The following PHACTR1 variants were observed in gnomAD, a reference collection of about 807,000 sequenced individuals.
The protein encoded by PHACTR1 is RPEL repeat containing 1.
A neutral mutation model predicts 69.2 loss-of-function variants in PHACTR1; 16 were observed. The observed-to-expected ratio is 0.23, with a 90% CI of 0.16 to 0.35. The LOEUF is 0.35. PHACTR1 is among the 10% of genes least tolerant of loss of function. The pLI is 1.00. For missense variants in PHACTR1, 510 were observed against 734.7 expected, an observed-to-expected ratio of 0.69 and a Z score of 3.54; for synonymous variants, 312 against 284.5, an observed-to-expected ratio of 1.10 and a Z score of -0.97.
intron 4 of PHACTR1, among the ~76,000 whole-genome samples, chr6:12,922,421 AG>A (rs755195808): frequency 7.2e-5 from 11 of 152,178 alleles, no homozygotes; most frequent in Non-Finnish European, 1.6e-4. Context: ...GCTGGAGCCC[AG>A]GGAAAGTAAA....
intron 4 of PHACTR1, chr6:12,958,018 A>G (rs1792119076): frequency 1.0e-6 from 1 of 985,408 alleles, no homozygotes; most frequent in Non-Finnish European, 1.2e-6. Context: ...GGGAGCAAAG[A>G]GCTTTGGGCA....
At chr6:13,106,425 CATT>C (rs1393985222) in intron 5 of PHACTR1, among the ~76,000 whole-genome samples, 1 of 152,160 alleles carries the variant, frequency 6.6e-6, no homozygotes, top group Non-Finnish European at 1.5e-5. Context: ...AGTCTTTCAT[CATT>C]AAGTATGATG....
At chr6:13,255,782 T>G (rs758892804) in intron 10 of PHACTR1, among the ~76,000 whole-genome samples, 3 of 152,246 alleles carry the variant, frequency 2.0e-5, no homozygotes, top group Non-Finnish European at 4.4e-5. Context: ...TGGCCAGTGC[T>G]GCCTCTGTGG....
Position 12,860,869 on chromosome 6 carries a change from C to T in PHACTR1, c.250+111079C>T, listed in dbSNP as rs150211814. On this transcript the variant is annotated intron_variant, in intron 4 of 14. Coordinates refer to ENST00000332995, the MANE Select transcript of PHACTR1 (RefSeq NM_030948.6). ...TCTTCCAAGGTTATGATATAAGGAT[C>T]GCTTGACAATTACAAAATTCATTGC... Among the ~76,000 whole-genome samples, 544 of 152,274 alleles carry T rather than the reference C, an allele frequency of 3.6e-3. 5 individuals are homozygous for T. The highest frequency in any genetic ancestry group is 2.8e-3 in the Non-Finnish European group (188 of 68,034).
chr6:13,185,465 GA>G (rs11290728), intron 7 of PHACTR1, among the ~76,000 whole-genome samples: 117,073 of 142,222 alleles, frequency 0.82, 48,188 homozygotes, highest in East Asian at 0.92. Flanking sequence ...TTCTCTTAGG[GA>G]AAAAAAAAAA....
intron 4 of PHACTR1, among the ~76,000 whole-genome samples, chr6:12,850,254 A>T (rs1009262390): frequency 6.6e-6 from 1 of 152,240 alleles, no homozygotes; most frequent in African/African-American, 2.4e-5. Flanking sequence ...AACAATGGTT[A>T]CTGCTGCCCT....
intron 7 of PHACTR1, chr6:13,185,017 C>T (rs775773231): frequency 6.5e-5 from 88 of 1,354,064 alleles, no homozygotes; most frequent in South Asian, 1.1e-4. Context: ...TGAGTGCAGA[C>T]GTCTTCTGGG....
intron 5 of PHACTR1, among the ~76,000 whole-genome samples, chr6:13,121,359 C>T (rs1441555793): frequency 2.6e-5 from 4 of 152,034 alleles, no homozygotes; most frequent in African/African-American, 7.3e-5. Flanking sequence ...GGAAAGCTAC[C>T]CAATCACTTT....
chr6:13,120,273 CT>C (rs970659763), intron 5 of PHACTR1, among the ~76,000 whole-genome samples: 5 of 151,534 alleles, frequency 3.3e-5, no homozygotes, highest in South Asian at 2.1e-4. Context: ...TCCTCCCCTC[CT>C]TTTTTTTTCC....
At chr6:12,774,991 C>G (rs73722823) in intron 4 of PHACTR1, among the ~76,000 whole-genome samples, 12,003 of 152,192 alleles carry the variant, frequency 0.079, 541 homozygotes, top group Admixed American at 0.11. Context: ...TTTCCAAGGA[C>G]GTGTCCAACT....
chr6:13,274,408 T>C (rs962067496), intron 11 of PHACTR1: 25 of 152,192 alleles, frequency 1.6e-4, no homozygotes, highest in African/African-American at 5.5e-4. Flanking sequence ...ATTTGGCTTG[T>C]AGGATGTCTT....
intron 4 of PHACTR1, among the ~76,000 whole-genome samples, chr6:12,786,254 C>T (rs1029608738): frequency 1.3e-5 from 2 of 152,202 alleles, no homozygotes; most frequent in African/African-American, 4.8e-5. Flanking sequence ...ACACCAGGAG[C>T]TTCTCTTTTA....
chr6:12,911,424 C>T (rs1786381522), intron 4 of PHACTR1, among the ~76,000 whole-genome samples: 1 of 152,130 alleles, frequency 6.6e-6, no homozygotes, highest in African/African-American at 2.4e-5. Flanking sequence ...GAGGAAAATA[C>T]ACTTTTAAAA....
At chr6:12,751,627 C>T (rs1766628676) in intron 4 of PHACTR1, among the ~76,000 whole-genome samples, 1 of 152,256 alleles carries the variant, frequency 6.6e-6, no homozygotes, top group Non-Finnish European at 1.5e-5. Flanking sequence ...ATTACTTTGT[C>T]ACCAGATTAA....
chr6:12,762,917 A>G (rs1197081488), intron 4 of PHACTR1, among the ~76,000 whole-genome samples: 1 of 152,184 alleles, frequency 6.6e-6, no homozygotes, highest in Admixed American at 6.5e-5. Flanking sequence ...GACTTGTTTC[A>G]TAGAACAGCA....
intron 4 of PHACTR1, among the ~76,000 whole-genome samples, chr6:13,011,341 A>T (rs765110806): frequency 6.6e-6 from 1 of 152,236 alleles, no homozygotes; most frequent in Non-Finnish European, 1.5e-5. Flanking sequence ...TTGCTAGTGG[A>T]TACTATATTG....
At chr6:12,869,692 A>T (rs1288911443) in intron 4 of PHACTR1, among the ~76,000 whole-genome samples, 1 of 152,160 alleles carries the variant, frequency 6.6e-6, no homozygotes, top group Non-Finnish European at 1.5e-5. Context: ...CACAGTCTCT[A>T]TTCTTGAAAT....
At chr6:12,896,124 G>A (rs936471462) in intron 4 of PHACTR1, among the ~76,000 whole-genome samples, 28 of 152,156 alleles carry the variant, frequency 1.8e-4, no homozygotes, top group African/African-American at 6.3e-4. Flanking sequence ...TGGAGCAAAC[G>A]CCTAATAGAC....
intron 8 of PHACTR1, among the ~76,000 whole-genome samples, chr6:13,216,171 A>G (rs904617639): frequency 2.6e-5 from 4 of 152,212 alleles, no homozygotes; most frequent in Admixed American, 1.3e-4. Flanking sequence ...CTATTATCCC[A>G]TGATTATTTT....
Sources: allele counts gnomAD v4.1 joint callset (sites outside exome capture counted in the v4.1 genomes callset), GRCh38; gene constraint gnomAD v4.1.1; transcripts MANE v1.5; gene names NCBI Gene and HGNC (gene_info 2026-07-23, HGNC 2026-07-21).